CES1: variants seen among roughly 807,000 people sequenced by gnomAD.
CES1 encodes liver carboxylesterase 1.
Under a neutral mutation model 53.0 loss-of-function variants are expected in CES1, and 50 were observed. The ratio of observed to expected loss-of-function variants is 0.94; its 90% CI spans 0.75 to 1.19. CES1 has a LOEUF of 1.19. CES1 is among the 50% of genes most tolerant of loss of function. The pLI is 0.00. For synonymous variants in CES1, 202 were observed against 210.1 expected, an observed-to-expected ratio of 0.96 and a Z score of 0.33; for missense variants, 534 against 538.0, an observed-to-expected ratio of 0.99 and a Z score of 0.07.
chr16:55,810,240 G>A (rs1390409942), intron 11 of CES1, among the ~76,000 whole-genome samples: 1 of 152,010 alleles, frequency 6.6e-6, no homozygotes, highest in African/African-American at 2.4e-5. Flanking sequence ...ATCTTGGATT[G>A]GATTCCATCT....
Position 55,821,521 on chromosome 16 carries a change from G to A in CES1, c.540C>T (p.Ser180=). Residue 180 remains serine, a splice_region_variant and synonymous_variant, in exon 5 of 14, where the codon AGC becomes AGT. Coordinates refer to ENST00000360526, the MANE Select transcript of CES1 (RefSeq NM_001025195.2). ...QYRLGIWGFF[S]TGDEHSRGNW... ...TCCCCCGGCTGTGTTCATCCCCTGT[G>A]CTGTGAGGAAGAGAACAGGTTGAGG... 1 of 1,614,200 alleles carries A rather than the reference G, an allele frequency of 6.2e-7. No individual in the cohort carries two copies. Among genetic ancestry groups the A allele is most frequent in the East Asian group, 2.2e-5 (1 of 44,886 alleles).
chr16:55,826,235 C>G lies in CES1; in HGVS notation c.321G>C (p.Glu107Asp). ...CTTCAGAAAGCTTGAGAGGAATGTT[C>G]TCCTTTCGGTTTGTAAATAGCTCTG... ...LLSELFTNRK[E>D]NIPLKLSEDC... Residue 107 changes from glutamate to aspartate, a missense_variant, in exon 3 of 14, where the codon GAG (glutamate) becomes GAC (aspartate). Glu to Asp is a conservative substitution (Grantham distance 45). This residue lies in a region of CES1 where 164 missense variants were observed against 162.4 expected (regional missense o/e 1.01). Transcript: ENST00000360526. 1.2e-6 allele frequency: 2 copies of G among 1,613,956 alleles called. No individual in the cohort carries two copies. The highest frequency in any genetic ancestry group is 1.7e-6 in the Non-Finnish European group (2 of 1,179,854).
At chr16:55,815,368 C>T (rs1469071326) in intron 8 of CES1, among the ~76,000 whole-genome samples, 1 of 152,176 alleles carries the variant, frequency 6.6e-6, no homozygotes, top group Non-Finnish European at 1.5e-5. Flanking sequence ...GCCAGTCTGG[C>T]TGCACCATGA....
chr16:55,833,027 G>A lies in CES1; in HGVS notation c.29C>T (p.Thr10Ile). Residue 10 changes from threonine to isoleucine, a missense_variant, in exon 1 of 14, where the codon ACT becomes ATT. Physicochemically the swap from Thr to Ile is moderately conservative, Grantham distance 89. Transcript: ENST00000360526. Reference sequence around the variant, plus strand: ...ACCCCAAGCCGCGGAAGCAGAGAGAGTGGCCAGGATAAAGGCACGGAGCCA... The same window carrying A: ...ACCCCAAGCCGCGGAAGCAGAGAGAATGGCCAGGATAAAGGCACGGAGCCA... MWLRAFILA[T>I]LSASAAWAGH... 2 of 1,556,114 alleles carry A rather than the reference G, an allele frequency of 1.3e-6. No homozygotes were observed. The highest frequency in any genetic ancestry group is 1.8e-6 in the Non-Finnish European group (2 of 1,138,058).
intron 2 of CES1, among the ~76,000 whole-genome samples, chr16:55,827,277 C>CAATAATAATAATAATAAT (rs57486989): frequency 3.0e-4 from 43 of 143,802 alleles, no homozygotes; most frequent in East Asian, 6.0e-4. Flanking sequence ...AGAGGAATAA[C>CAATAATAATAATAATAAT]AATAATAATA....
At position 55,812,974 on chromosome 16, in the gene CES1, C is replaced by T; in HGVS notation, c.1015G>A (p.Glu339Lys). ...TAGGGGACAGTGTGGAAATTCCTTT[C>T]AGCTTGAAGCTCTTCAGGTGTTTTC... ...LLKTPEELQA[E>K]RNFHTVPYMV... The change falls in exon 9 of 14, where the codon GAA becomes AAA. Residue 339 changes from glutamate (E) to lysine (K), a missense_variant. Coordinates refer to ENST00000360526, the MANE Select transcript of CES1 (RefSeq NM_001025195.2). The T allele has an allele frequency of 6.2e-7, 1 of 1,614,098 alleles. No individual in the cohort carries two copies.
chr16:55,823,323 G>T (rs1220732434), intron 4 of CES1, among the ~76,000 whole-genome samples: 1 of 152,220 alleles, frequency 6.6e-6, no homozygotes, highest in African/African-American at 2.4e-5. Context: ...GTGTTCTTCG[G>T]ATAGAATAAG....
At chr16:55,819,929 G>A (rs1399525684) in intron 6 of CES1, 1 of 569,864 alleles carries the variant, frequency 1.8e-6, no homozygotes, top group Non-Finnish European at 3.2e-6. Context: ...AGGTGGAGCT[G>A]GGATAGAGAG....
At chr16:55,813,473 C>T (rs1325135256) in intron 8 of CES1, among the ~76,000 whole-genome samples, 1 of 151,956 alleles carries the variant, frequency 6.6e-6, no homozygotes, top group Admixed American at 6.6e-5. Flanking sequence ...TTTTTGCAAA[C>T]CTCTGGCCAC....
chr16:55,822,678 AC>A (rs1417904882), intron 4 of CES1, among the ~76,000 whole-genome samples: 3 of 152,040 alleles, frequency 2.0e-5, no homozygotes, highest in Non-Finnish European at 2.9e-5. Flanking sequence ...CCCTGGGATC[AC>A]TGGGAATTAG....
chr16:55,831,201 A>C (rs547846975), intron 1 of CES1, among the ~76,000 whole-genome samples: 45 of 152,338 alleles, frequency 3.0e-4, no homozygotes, highest in African/African-American at 1.1e-3. Context: ...GGCCAAGACC[A>C]AAGATCCATC....
intron 8 of CES1, among the ~76,000 whole-genome samples, chr16:55,815,161 T>G (rs143168962): frequency 0.06 from 9,049 of 152,070 alleles, 332 homozygotes; most frequent in Middle Eastern, 0.13. Context: ...CAAGAGTTCT[T>G]GGCTTGGAGA....
At chr16:55,820,938 G>T (rs1215142445) in intron 5 of CES1, among the ~76,000 whole-genome samples, 1 of 152,146 alleles carries the variant, frequency 6.6e-6, no homozygotes, top group African/African-American at 2.4e-5. Context: ...CCACATGTAG[G>T]TCTGGTTTAG....
intron 2 of CES1, chr16:55,828,202 C>CGTATCATTAAAAAA: frequency 1.6e-5 from 3 of 189,876 alleles, no homozygotes; most frequent in South Asian, 1.0e-4. Flanking sequence ...CTTTTCTTCC[C>CGTATCATTAAAAAA]AGCTTGGCCA....
At chr16:55,811,192 C>T (rs2031680913) in intron 9 of CES1, among the ~76,000 whole-genome samples, 182 bp from the exon 10 acceptor site, 1 of 138,798 alleles carries the variant, frequency 7.2e-6, no homozygotes, top group Non-Finnish European at 1.5e-5. Flanking sequence ...TCCAGAAACT[C>T]AAGCATTGCA....
At chr16:55,808,518 G>C (rs1167974740) in intron 11 of CES1, among the ~76,000 whole-genome samples, 1 of 152,044 alleles carries the variant, frequency 6.6e-6, no homozygotes, top group South Asian at 2.1e-4. Flanking sequence ...AAATGAGAAA[G>C]AGAATTAAGA....
chr16:55,814,740 C>T (rs2031856144), intron 8 of CES1, among the ~76,000 whole-genome samples: 1 of 152,344 alleles, frequency 6.6e-6, no homozygotes, highest in South Asian at 2.1e-4. Context: ...GCCTTTGAGA[C>T]CCTATGGCTT....
chr16:55,819,776 G>A (rs1264614817), intron 6 of CES1, 137 bp from the exon 7 acceptor site: 4 of 786,888 alleles, frequency 5.1e-6, no homozygotes, highest in South Asian at 4.1e-5. Context: ...ACCCGTGGGT[G>A]TGGGTTCCAG....
In CES1 at chr16:55,828,913, G is replaced by T; in HGVS notation, c.114C>A (p.Phe38Leu). ...GCTGTGCAAATCCTTCTAAGCTGACGAACTTCCCCAGCACTTTGCCATGCA... is the reference window on the plus strand; with the variant it reads ...GCTGTGCAAATCCTTCTAAGCTGACTAACTTCCCCAGCACTTTGCCATGCA... ...DTVHGKVLGK[F>L]VSLEGFAQPV... The change falls in exon 2 of 14, where the codon TTC (phenylalanine) becomes TTA (leucine). Residue 38 changes from phenylalanine to leucine, a missense_variant. Transcript: ENST00000360526. 6.2e-7 allele frequency: 1 copy of T among 1,614,030 alleles called. No homozygotes were observed. Among genetic ancestry groups the T allele is most frequent in the Non-Finnish European group, 8.5e-7 (1 of 1,179,980 alleles).
Sources: allele counts gnomAD v4.1 joint callset (sites outside exome capture counted in the v4.1 genomes callset), GRCh38; gene constraint gnomAD v4.1.1; regional missense constraint gnomAD v4.1.1; transcripts MANE v1.5; gene names NCBI Gene and HGNC (gene_info 2026-07-23, HGNC 2026-07-21).